The following DLG2 variants were observed in gnomAD, a reference collection of about 807,000 sequenced individuals.
DLG2 encodes disks large homolog 2.
In DLG2, 45 loss-of-function variants were observed where a neutral mutation model predicts 132.5. The ratio of observed to expected loss-of-function variants is 0.34; its 90% CI spans 0.27 to 0.44. The LOEUF is 0.44. Ranked by LOEUF, DLG2 falls within the 20% of genes least tolerant of loss-of-function variation. The pLI is 1.00. For missense variants in DLG2, 1,045 were observed against 1,196.9 expected (o/e 0.87, Z 1.87); for synonymous variants, 424 against 419.6 (o/e 1.01, Z -0.13).
At chr11:85,072,600 A>G (rs1333273925) in intron 6 of DLG2, among the ~76,000 whole-genome samples, 1 of 151,878 alleles carries the variant, frequency 6.6e-6, no homozygotes, top group Admixed American at 6.6e-5. Context: ...ATGGCAGTCT[A>G]TAAAACAGAT....
intron 12 of DLG2, among the ~76,000 whole-genome samples, chr11:83,976,855 T>C (rs895204087): frequency 1.3e-5 from 2 of 151,942 alleles, no homozygotes; most frequent in Admixed American, 6.6e-5. Context: ...ACTAGACATA[T>C]ATGAACTAAC....
At chr11:83,770,246 G>T (rs2094331148) in intron 18 of DLG2, among the ~76,000 whole-genome samples, 1 of 102,296 alleles carries the variant, frequency 9.8e-6, no homozygotes, top group Non-Finnish European at 2.0e-5. Flanking sequence ...TTGTCTCGTG[G>T]TGTCTGGTGT....
chr11:83,746,277 C>G (rs367762838), intron 18 of DLG2, among the ~76,000 whole-genome samples: 2 of 152,132 alleles, frequency 1.3e-5, no homozygotes, highest in African/African-American at 2.4e-5. Context: ...CATATGCACA[C>G]GTATGTTTAT....
chr11:84,899,816 T>C (rs1195055271), intron 6 of DLG2, among the ~76,000 whole-genome samples: 3 of 152,036 alleles, frequency 2.0e-5, no homozygotes. Flanking sequence ...GGAAAATATA[T>C]TCTGAACCAG....
At chr11:84,097,534 T>C (rs893861213) in intron 10 of DLG2, among the ~76,000 whole-genome samples, 1 of 152,116 alleles carries the variant, frequency 6.6e-6, no homozygotes, top group African/African-American at 2.4e-5. Context: ...GACCAATAAC[T>C]CTCCTCCACT....
At chr11:84,248,568 T>G (rs1170168881) in intron 8 of DLG2, among the ~76,000 whole-genome samples, 2 of 152,042 alleles carry the variant, frequency 1.3e-5, no homozygotes, top group African/African-American at 2.4e-5. Context: ...ATGAAAAAGT[T>G]GATTAGGCCA....
At chr11:85,404,889 G>A (rs751733219) in intron 3 of DLG2, among the ~76,000 whole-genome samples, 63 of 152,010 alleles carry the variant, frequency 4.1e-4, no homozygotes, top group Non-Finnish European at 6.9e-4. Context: ...GAAAGTAATC[G>A]TGTTTTATAA....
At chr11:85,222,970 A>G (rs1484278258) in intron 4 of DLG2, among the ~76,000 whole-genome samples, 6 of 152,174 alleles carry the variant, frequency 3.9e-5, no homozygotes, top group African/African-American at 1.4e-4. Context: ...TGGGCATTTC[A>G]GATTTCTCAG....
intron 27 of DLG2, among the ~76,000 whole-genome samples, chr11:83,460,999 G>GTTTTT (rs10591072): frequency 1.9e-5 from 2 of 107,072 alleles, no homozygotes; most frequent in Non-Finnish European, 3.7e-5. Flanking sequence ...AAGTTCTTGG[G>GTTTTT]TTTTTTTTTT....
At chr11:84,765,552 C>A (rs544639663) in intron 6 of DLG2, among the ~76,000 whole-genome samples, 1 of 152,126 alleles carries the variant, frequency 6.6e-6, no homozygotes. Flanking sequence ...TTAGGATCTA[C>A]TGTTGAGTAA....
chr11:83,498,721 A>G (rs1355613519), intron 21 of DLG2, among the ~76,000 whole-genome samples: 1 of 151,336 alleles, frequency 6.6e-6, no homozygotes, highest in Non-Finnish European at 1.5e-5. Context: ...TTAATGAAAC[A>G]GAGAATTTTA....
chr11:84,654,074 C>T (rs966858556), intron 6 of DLG2, among the ~76,000 whole-genome samples: 1 of 152,108 alleles, frequency 6.6e-6, no homozygotes, highest in African/African-American at 2.4e-5. Flanking sequence ...ATTAATATTA[C>T]ATTATATAGT....
intron 3 of DLG2, among the ~76,000 whole-genome samples, chr11:85,464,499 C>G (rs968914756): frequency 6.6e-6 from 1 of 152,038 alleles, no homozygotes; most frequent in African/African-American, 2.4e-5. Context: ...GGTGGAGCCA[C>G]AGGATCAGCT....
chr11:85,166,901 C>T lies in DLG2; in HGVS notation c.187-12250G>A, dbSNP rs1022170193. ...TGTATTCATCTTTTATATACATATC[C>T]GAAAAGTTTCCTATATAAAAGAATA... On this transcript the variant is annotated intron_variant, in intron 4 of 27. Transcript: ENST00000376104. Among the ~76,000 whole-genome samples, 8 of 151,868 alleles carry T rather than the reference C, an allele frequency of 5.3e-5. No individual in the cohort carries two copies. The South Asian group carries it at 6.2e-4, about 12-fold the overall frequency.
At chr11:83,890,325 A>AT (rs1156866724) in intron 15 of DLG2, among the ~76,000 whole-genome samples, 27 of 151,544 alleles carry the variant, frequency 1.8e-4, no homozygotes, top group Non-Finnish European at 2.1e-4. Flanking sequence ...GAAAAGGTAG[A>AT]GTTTTTTTTT....
At chr11:83,891,224 A>G (rs182667059) in intron 15 of DLG2, among the ~76,000 whole-genome samples, 1 of 152,038 alleles carries the variant, frequency 6.6e-6, no homozygotes, top group African/African-American at 2.4e-5. Context: ...GTGATAGGAA[A>G]CATTATAGGA....
At chr11:84,959,023 C>T (rs1192347697) in intron 6 of DLG2, among the ~76,000 whole-genome samples, 2 of 152,174 alleles carry the variant, frequency 1.3e-5, no homozygotes, top group Non-Finnish European at 2.9e-5. Context: ...CAGGTAGGCA[C>T]CTGCTTATAC....
chr11:84,381,870 G>A (rs1450442842), intron 7 of DLG2, among the ~76,000 whole-genome samples: 1 of 152,160 alleles, frequency 6.6e-6, no homozygotes, highest in Non-Finnish European at 1.5e-5. Context: ...TTGTCTATCT[G>A]CCTCCTGTAA....
intron 8 of DLG2, among the ~76,000 whole-genome samples, chr11:84,173,277 C>T (rs896392441): frequency 6.6e-5 from 10 of 152,172 alleles, no homozygotes; most frequent in African/African-American, 2.4e-4. Flanking sequence ...ATTCACTTGG[C>T]TCCAGCCTGA....
Sources: allele counts gnomAD v4.1 joint callset (sites outside exome capture counted in the v4.1 genomes callset), GRCh38; gene constraint gnomAD v4.1.1; transcripts MANE v1.5; gene names NCBI Gene and HGNC (gene_info 2026-07-23, HGNC 2026-07-21).